Variants in IQCJ observed in about 807,000 individuals in gnomAD.
IQCJ encodes IQ motif containing J.
A neutral mutation model predicts 11.0 loss-of-function variants in IQCJ; 9 were observed. The observed-to-expected ratio is 0.82, with a 90% CI of 0.49 to 1.43. The LOEUF is 1.43. IQCJ is among the 40% of genes most tolerant of loss of function. The probability of loss-of-function intolerance (pLI) is 0.00; values close to 1 mark genes in which losing one functional copy is unlikely to be tolerated. For synonymous variants in IQCJ, 55 were observed against 51.3 expected (o/e 1.07, Z -0.31); for missense variants, 146 against 133.2 (o/e 1.10, Z -0.47).
At chr3:159,194,774 A>G (rs1212783356) in intron 1 of IQCJ, among the ~76,000 whole-genome samples, 1 of 152,208 alleles carries the variant, frequency 6.6e-6, no homozygotes, top group Non-Finnish European at 1.5e-5. Flanking sequence ...GAGTCATCCT[A>G]CAAGGGTATT....
chr3:159,184,133 C>T (rs911376271), intron 1 of IQCJ, among the ~76,000 whole-genome samples: 5 of 151,982 alleles, frequency 3.3e-5, no homozygotes. Context: ...GTGTGATTCA[C>T]CCCCGCTCAC....
At chr3:159,134,657 G>A (rs536273015) in intron 1 of IQCJ, among the ~76,000 whole-genome samples, 1 of 152,248 alleles carries the variant, frequency 6.6e-6, no homozygotes, top group Admixed American at 6.5e-5. Flanking sequence ...CAGATGACTA[G>A]CATTTCTCTA....
chr3:159,140,301 G>T (rs1245691334), intron 1 of IQCJ, among the ~76,000 whole-genome samples: 10 of 152,104 alleles, frequency 6.6e-5, no homozygotes. Flanking sequence ...AATGATAAAG[G>T]CCTTCTGACT....
chr3:159,165,609 G>A (rs1722116537), intron 1 of IQCJ, among the ~76,000 whole-genome samples: 1 of 149,868 alleles, frequency 6.7e-6, no homozygotes, highest in Admixed American at 6.6e-5. Flanking sequence ...TTTATAAAAT[G>A]TTAAAGCTTC....
intron 1 of IQCJ, among the ~76,000 whole-genome samples, chr3:159,228,749 G>A (rs1242420480): frequency 6.6e-6 from 1 of 150,670 alleles, no homozygotes; most frequent in Non-Finnish European, 1.5e-5. Flanking sequence ...CTTGCAGTGA[G>A]CCGAGATCCC....
intron 1 of IQCJ, among the ~76,000 whole-genome samples, chr3:159,131,501 T>A (rs909548447): frequency 6.6e-6 from 1 of 152,178 alleles, no homozygotes; most frequent in Admixed American, 6.5e-5. Context: ...CTTCTGTGCC[T>A]AGTATCTGGC....
rs552472520 is a variant in IQCJ, at chr3:159,125,900, G to A, written c.9+56459G>A. On this transcript the variant is annotated intron_variant, in intron 1 of 3. Coordinates refer to ENST00000397832, the MANE Select transcript of IQCJ (RefSeq NM_001042706.3). Reference sequence around the variant, plus strand: ...GCTGTGGGATCCGTATTCCAACCAGGTTGGAGAAGGTTGTAAGCAATGGCA... The same window carrying A: ...GCTGTGGGATCCGTATTCCAACCAGATTGGAGAAGGTTGTAAGCAATGGCA... 1.9e-3 allele frequency among the ~76,000 whole-genome samples: 283 copies of A among 152,268 alleles called. 2 individuals are homozygous for A. Among genetic ancestry groups the A allele is most frequent in the Admixed American group, 3.7e-3 (56 of 15,302 alleles).
At chr3:159,229,181 C>G (rs1726040741) in intron 1 of IQCJ, among the ~76,000 whole-genome samples, 1 of 152,168 alleles carries the variant, frequency 6.6e-6, no homozygotes, top group Admixed American at 6.5e-5. Flanking sequence ...TACATTTTAA[C>G]TTTGGTGGCA....
intron 1 of IQCJ, among the ~76,000 whole-genome samples, chr3:159,170,107 A>G (rs974877855): frequency 6.6e-6 from 1 of 152,216 alleles, no homozygotes; most frequent in Non-Finnish European, 1.5e-5. Context: ...CTCACTCAGA[A>G]AAAGATGCAC....
At chr3:159,085,815 TA>T (rs1716714972) in intron 1 of IQCJ, among the ~76,000 whole-genome samples, 1 of 151,572 alleles carries the variant, frequency 6.6e-6, no homozygotes. Flanking sequence ...TTCTGGATAT[TA>T]GCCCTTTGTC....
chr3:159,168,510 G>A (rs958046666), intron 1 of IQCJ, among the ~76,000 whole-genome samples: 3 of 152,072 alleles, frequency 2.0e-5, no homozygotes, highest in Non-Finnish European at 4.4e-5. Context: ...CTACAATTAA[G>A]TGATCTTATA....
At chr3:159,081,720 G>A (rs191071762) in intron 1 of IQCJ, among the ~76,000 whole-genome samples, 1 of 151,952 alleles carries the variant, frequency 6.6e-6, no homozygotes, top group East Asian at 1.9e-4. Flanking sequence ...TTCCGAATAC[G>A]ACTTTTTCCA....
intron 1 of IQCJ, among the ~76,000 whole-genome samples, chr3:159,160,435 T>C (rs888186073): frequency 1.3e-4 from 20 of 152,128 alleles, no homozygotes; most frequent in African/African-American, 4.8e-4. Flanking sequence ...CCTGAGTAGC[T>C]GGGATTATAG....
intron 1 of IQCJ, among the ~76,000 whole-genome samples, chr3:159,163,880 A>C (rs1722019537): frequency 6.6e-6 from 1 of 152,198 alleles, no homozygotes; most frequent in African/African-American, 2.4e-5. Context: ...GTATGAGCAC[A>C]TCAGGCCTCA....
chr3:159,105,741 AAGAGGCCCCTG>A (rs1416008699), intron 1 of IQCJ, among the ~76,000 whole-genome samples: 1 of 152,140 alleles, frequency 6.6e-6, no homozygotes, highest in African/African-American at 2.4e-5. Context: ...AGGAAGAACA[AAGAGGCCCCTG>A]AGATTGCAGC....
intron 1 of IQCJ, among the ~76,000 whole-genome samples, chr3:159,222,139 T>G (rs1369849056): frequency 2.0e-5 from 3 of 152,126 alleles, no homozygotes; most frequent in Non-Finnish European, 4.4e-5. Flanking sequence ...CTGCAATCCC[T>G]CTTCTGGGTA....
rs553037984 is a variant in IQCJ, at chr3:159,238,783, T to A, written c.10-7060T>A. ...GGCATGTTGTCACTGAAATGTCCAG[T>A]GGGCACGTGAGTTCTGGGATTTTGT... On this transcript the variant is annotated intron_variant, in intron 1 of 3. Transcript: ENST00000397832. Among the ~76,000 whole-genome samples the A allele has an allele frequency of 3.3e-5, 5 of 152,214 alleles. No individual in the cohort carries two copies. The South Asian group carries it at 8.3e-4, about 25-fold the overall frequency.
chr3:159,090,929 CTT>C (rs1330547847), intron 1 of IQCJ, among the ~76,000 whole-genome samples: 3 of 151,902 alleles, frequency 2.0e-5, no homozygotes, highest in African/African-American at 7.3e-5. Flanking sequence ...TGGTTTTGTT[CTT>C]TCTTAATTTC....
chr3:159,169,750 G>A (rs1300905602), intron 1 of IQCJ, among the ~76,000 whole-genome samples: 1 of 152,168 alleles, frequency 6.6e-6, no homozygotes, highest in Non-Finnish European at 1.5e-5. Flanking sequence ...TTGAACTTGA[G>A]GGTAATTTTG....
Sources: allele counts gnomAD v4.1 joint callset (sites outside exome capture counted in the v4.1 genomes callset), GRCh38; gene constraint gnomAD v4.1.1; transcripts MANE v1.5; gene names NCBI Gene and HGNC (gene_info 2026-07-23, HGNC 2026-07-21).